The following NPLOC4 variants were observed in gnomAD, a reference collection of about 807,000 sequenced individuals.
NPLOC4 encodes nuclear protein localization protein 4 homolog.
NPLOC4 carries 18 observed loss-of-function variants against 80.6 expected under a neutral mutation model. The observed-to-expected ratio is 0.22, with a 90% CI of 0.15 to 0.33. The LOEUF (loss-of-function observed/expected upper bound fraction) is 0.33. Among genes scored for constraint, NPLOC4 ranks in the 10% least tolerant of loss-of-function variants. The pLI is 1.00. For synonymous variants in NPLOC4, 313 were observed against 301.5 expected (o/e 1.04, Z -0.39); for missense variants, 540 against 786.1 (o/e 0.69, Z 3.74).
intron 4 of NPLOC4, 75 bp from the exon 5 acceptor site, chr17:81,610,333 C>A: frequency 7.4e-7 from 1 of 1,347,242 alleles, no homozygotes; most frequent in Non-Finnish European, 1.0e-6. Flanking sequence ...CTCACATGCA[C>A]GTCCTACTTT....
At chr17:81,625,338 A>T (rs554256341) in intron 2 of NPLOC4, among the ~76,000 whole-genome samples, 10 of 152,314 alleles carry the variant, frequency 6.6e-5, no homozygotes, top group African/African-American at 2.2e-4. Context: ...GACACACTGC[A>T]GTGAAGCCGT....
intron 6 of NPLOC4, 105 bp from the exon 7 acceptor site, chr17:81,606,919 A>G: frequency 9.5e-7 from 1 of 1,055,990 alleles, no homozygotes; most frequent in Non-Finnish European, 1.4e-6. Context: ...GTGTCTCAGG[A>G]GCTAAGCACG....
chr17:81,561,202 C>T (rs1384254401), intron 16 of NPLOC4, among the ~76,000 whole-genome samples: 1 of 152,194 alleles, frequency 6.6e-6, no homozygotes, highest in Admixed American at 6.5e-5. Flanking sequence ...AAATGATCCA[C>T]CGCCTCGGCC....
chr17:81,594,741 C>T (rs2034849556), intron 11 of NPLOC4, among the ~76,000 whole-genome samples: 1 of 151,804 alleles, frequency 6.6e-6, no homozygotes, highest in South Asian at 2.1e-4. Context: ...CGCCACTGCA[C>T]TCCAACCTGG....
Position 81,558,785 on chromosome 17 carries a change from C to T in NPLOC4, c.*474G>A, listed in dbSNP as rs1222519244. The T allele has an allele frequency of 6.5e-6, 1 of 153,242 alleles. No individual in the cohort carries two copies. Among genetic ancestry groups the T allele is most frequent in the Non-Finnish European group, 1.5e-5 (1 of 68,812 alleles). The allele number at this position is 153,242 out of a possible 1,614,324, so 9.5% of individuals were successfully genotyped here. On this transcript the variant is annotated 3_prime_UTR_variant, in exon 17 of 17. Coordinates refer to ENST00000331134, the MANE Select transcript of NPLOC4 (RefSeq NM_017921.4). Reference sequence around the variant, plus strand: ...AACAGCTACTAGAAGAGGAAAGTGGCCCTCACAGGCAGGGTGCCTGCCACC... The same window carrying T: ...AACAGCTACTAGAAGAGGAAAGTGGTCCTCACAGGCAGGGTGCCTGCCACC...
intron 2 of NPLOC4, among the ~76,000 whole-genome samples, chr17:81,629,401 G>A (rs1413014344): frequency 6.6e-6 from 1 of 151,986 alleles, no homozygotes; most frequent in Non-Finnish European, 1.5e-5. Flanking sequence ...TCTTGGCCAG[G>A]CTGGTCTTGA....
chr17:81,566,843 C>A (rs2034025932), intron 15 of NPLOC4: 8 of 153,908 alleles, frequency 5.2e-5, no homozygotes, highest in Admixed American at 5.1e-4. Context: ...GCAAGAACCT[C>A]CTGGGGGCTG....
chr17:81,591,103 G>C (rs546505632), intron 11 of NPLOC4, among the ~76,000 whole-genome samples: 6 of 152,256 alleles, frequency 3.9e-5, no homozygotes, highest in African/African-American at 7.2e-5. Context: ...CAGAGCGCCG[G>C]GGAGCCACGG....
chr17:81,560,951 T>C (rs1036947892), intron 16 of NPLOC4: 1 of 152,142 alleles, frequency 6.6e-6, no homozygotes, highest in African/African-American at 2.4e-5. Flanking sequence ...ATTTCCCTGA[T>C]GACTAATGAT....
intron 2 of NPLOC4, among the ~76,000 whole-genome samples, chr17:81,624,186 C>T (rs1327920001): frequency 2.6e-5 from 4 of 152,022 alleles, no homozygotes; most frequent in Non-Finnish European, 4.4e-5. Context: ...TCTGGGAGGC[C>T]GAGGTGGGCG....
At chr17:81,608,295 G>A (rs572743231) in intron 6 of NPLOC4, among the ~76,000 whole-genome samples, 2 of 152,358 alleles carry the variant, frequency 1.3e-5, no homozygotes, top group South Asian at 2.1e-4. Flanking sequence ...AGAATCAACA[G>A]GCCACCATCA....
chr17:81,560,575 T>C (rs1295565127), intron 16 of NPLOC4: 1 of 152,030 alleles, frequency 6.6e-6, no homozygotes, highest in African/African-American at 2.4e-5. Flanking sequence ...GGGGTGGTGG[T>C]GCGCACCTGT....
chr17:81,563,914 C>G (rs943445440), intron 16 of NPLOC4: 1 of 454,888 alleles, frequency 2.2e-6, no homozygotes. Flanking sequence ...CATGGGTACT[C>G]ACGTACATAA....
intron 11 of NPLOC4, among the ~76,000 whole-genome samples, chr17:81,591,574 A>G (rs1043315517): frequency 2.6e-5 from 4 of 152,110 alleles, no homozygotes; most frequent in Non-Finnish European, 5.9e-5. Flanking sequence ...GTTATTTATA[A>G]AACTGAAGGC....
rs769821983 is a variant in NPLOC4 at position 81,606,711 on chromosome 17, C to T, written c.634G>A (p.Ala212Thr). ...CTCACCTGTCTGTTCAGCGTGATGG[C>T]GCTCGGCTGGCACTTAGTACAGATG... ...NGICTKCQPSAITLNRQKYRH... is the reference protein window; with the variant it reads ...NGICTKCQPSTITLNRQKYRH... The change falls in exon 7 of 17, where the codon GCC (alanine) becomes ACC (threonine). Residue 212 changes from alanine to threonine, a missense_variant. Physicochemically the swap from Ala to Thr is moderately conservative, Grantham distance 58. Coordinates refer to ENST00000331134, the MANE Select transcript of NPLOC4 (RefSeq NM_017921.4). 6 of 1,613,406 alleles carry T rather than the reference C, an allele frequency of 3.7e-6. No homozygotes were observed. The highest frequency in any genetic ancestry group is 4.2e-6 in the Non-Finnish European group (5 of 1,179,724).
chr17:81,597,522 C>T (rs1243293682), intron 9 of NPLOC4, among the ~76,000 whole-genome samples: 4 of 152,106 alleles, frequency 2.6e-5, no homozygotes, highest in African/African-American at 9.7e-5. Context: ...CGGTGGCTCA[C>T]GCCTGTAATC....
At chr17:81,633,872 ATT>A (rs35394558) in intron 1 of NPLOC4, among the ~76,000 whole-genome samples, 2 of 143,556 alleles carry the variant, frequency 1.4e-5, no homozygotes, top group Non-Finnish European at 1.5e-5. Flanking sequence ...CGCCCAGCTA[ATT>A]TTTTTTTTTT....
At chr17:81,564,914 T>C (rs1287174857) in intron 16 of NPLOC4, 3 of 215,078 alleles carry the variant, frequency 1.4e-5, no homozygotes, top group Non-Finnish European at 1.8e-5. Flanking sequence ...TGCTCTCAGC[T>C]GCAGGGACTC....
chr17:81,595,304 T>C (rs549053716), intron 11 of NPLOC4, among the ~76,000 whole-genome samples: 123 of 151,550 alleles, frequency 8.1e-4, no homozygotes, highest in African/African-American at 2.8e-3. Flanking sequence ...CGTGGTGGTG[T>C]GCACTTACAA....
Sources: gnomAD v4.1 joint callset for allele counts (sites outside exome capture counted in the v4.1 genomes callset) on GRCh38, gnomAD v4.1.1 for gene constraint, MANE v1.5 for transcripts, NCBI Gene and HGNC (gene_info 2026-07-23, HGNC 2026-07-21) for gene names.